The following CDK14 variants were observed in gnomAD, a reference collection of about 807,000 sequenced individuals.
CDK14 encodes the protein cyclin-dependent kinase 14.
A neutral mutation model predicts 60.7 loss-of-function variants in CDK14; 34 were observed. That is an observed-to-expected ratio of 0.56 (90% CI 0.43 to 0.75). The LOEUF (loss-of-function observed/expected upper bound fraction) is 0.75, where lower values mean the gene tolerates loss of function less well. CDK14 is among the 30% of genes least tolerant of loss of function. The pLI is 0.00. For missense variants in CDK14, 482 were observed against 564.1 expected, an observed-to-expected ratio of 0.85 and a Z score of 1.47; for synonymous variants, 197 against 203.7, an observed-to-expected ratio of 0.97 and a Z score of 0.28.
chr7:91,059,862 T>A (rs1011384807), intron 11 of CDK14, among the ~76,000 whole-genome samples: 9 of 152,270 alleles, frequency 5.9e-5, no homozygotes, highest in Non-Finnish European at 7.3e-5. Context: ...GGTGTGGTGC[T>A]GAAAAGAATG....
intron 14 of CDK14, among the ~76,000 whole-genome samples, chr7:91,202,549 T>C (rs763449093): frequency 1.6e-4 from 24 of 152,238 alleles, no homozygotes; most frequent in Non-Finnish European, 3.4e-4. Flanking sequence ...CCCTCTCTCC[T>C]TCCACCTAAA....
At chr7:90,628,258 GA>G (rs1317762222) in intron 2 of CDK14, among the ~76,000 whole-genome samples, 3 of 152,072 alleles carry the variant, frequency 2.0e-5, no homozygotes, top group Admixed American at 2.0e-4. Flanking sequence ...TGCCTGGCCA[GA>G]AAGGTGATTT....
At chr7:90,736,970 C>T (rs148052818) in intron 3 of CDK14, among the ~76,000 whole-genome samples, 154 of 152,186 alleles carry the variant, frequency 1.0e-3, no homozygotes, top group African/African-American at 3.5e-3. Flanking sequence ...TTAAAATTCA[C>T]GCAAAATATA....
chr7:90,911,135 G>C (rs544070582), intron 7 of CDK14, among the ~76,000 whole-genome samples: 98 of 152,200 alleles, frequency 6.4e-4, no homozygotes, highest in African/African-American at 2.3e-3. Context: ...ACCTGGCAGA[G>C]GTGTTGTGAG....
At chr7:90,816,870 C>G (rs537278083) in intron 5 of CDK14, among the ~76,000 whole-genome samples, 13 of 152,234 alleles carry the variant, frequency 8.5e-5, no homozygotes, top group African/African-American at 3.1e-4. Flanking sequence ...GTAATCTGTT[C>G]CCACCATTTT....
intron 5 of CDK14, among the ~76,000 whole-genome samples, chr7:90,848,989 A>G (rs938882060): frequency 2.6e-5 from 4 of 152,192 alleles, no homozygotes; most frequent in African/African-American, 9.6e-5. Flanking sequence ...TGTGGGACAC[A>G]TAAAACCCAC....
intron 11 of CDK14, among the ~76,000 whole-genome samples, chr7:91,051,982 T>C (rs1294981090): frequency 6.6e-6 from 1 of 152,238 alleles, no homozygotes; most frequent in African/African-American, 2.4e-5. Context: ...CTTCATAGAA[T>C]TGTGGTAACC....
At chr7:90,839,202 C>T (rs1790210836) in intron 5 of CDK14, among the ~76,000 whole-genome samples, 1 of 152,094 alleles carries the variant, frequency 6.6e-6, no homozygotes, top group South Asian at 2.1e-4. Flanking sequence ...GAAAGAAATG[C>T]AGAGATCTTG....
intron 2 of CDK14, among the ~76,000 whole-genome samples, chr7:90,689,873 A>G (rs960716631): frequency 6.6e-6 from 1 of 152,176 alleles, no homozygotes; most frequent in South Asian, 2.1e-4. Context: ...AAAGTTTGTA[A>G]TAAACTGCAA....
chr7:91,120,695 C>T (rs1353160669), intron 14 of CDK14, among the ~76,000 whole-genome samples: 1 of 152,134 alleles, frequency 6.6e-6, no homozygotes, highest in East Asian at 1.9e-4. Flanking sequence ...TACCACCACG[C>T]CTGGCTAGTT....
rs757413712 is a variant in CDK14 at position 90,596,745 on chromosome 7, C to T, written c.91+27C>T. On this transcript the variant is annotated intron_variant, in intron 1 of 14. Transcript: ENST00000380050. ...TGAGTAGCGCGCTGCCCCCGGCCCCCCCAGCGCCCGCTCCCCTCGGCCTGC... is the reference window on the plus strand; with the variant it reads ...TGAGTAGCGCGCTGCCCCCGGCCCCTCCAGCGCCCGCTCCCCTCGGCCTGC... 16 of 1,579,598 alleles carry T rather than the reference C, an allele frequency of 1.0e-5. No homozygotes were observed. In the East Asian group the frequency reaches 2.2e-4, roughly 22 times the overall value.
At chr7:90,955,923 G>A in intron 9 of CDK14, 106 bp downstream of exon 9, 1 of 1,297,452 alleles carries the variant, frequency 7.7e-7, no homozygotes, top group Admixed American at 2.0e-5. Flanking sequence ...TGGTGCAGGA[G>A]TGTTTGCCTG....
chr7:90,807,165 C>T (rs946988196), intron 5 of CDK14, among the ~76,000 whole-genome samples: 1 of 152,196 alleles, frequency 6.6e-6, no homozygotes, highest in Non-Finnish European at 1.5e-5. Flanking sequence ...GGACAGACTG[C>T]CTCCTCAAGT....
intron 14 of CDK14, among the ~76,000 whole-genome samples, chr7:91,139,213 G>A (rs61002184): frequency 0.014 from 2,057 of 152,228 alleles, 46 homozygotes; most frequent in African/African-American, 0.047. Context: ...ACTGAATGCA[G>A]TGTTTTTTTA....
At chr7:91,131,602 C>T (rs1800119507) in intron 14 of CDK14, among the ~76,000 whole-genome samples, 1 of 152,126 alleles carries the variant, frequency 6.6e-6, no homozygotes, top group South Asian at 2.1e-4. Flanking sequence ...GACAGAGTCA[C>T]CAACAAAGCA....
At chr7:90,795,941 T>C (rs1398022413) in intron 5 of CDK14, among the ~76,000 whole-genome samples, 1 of 152,156 alleles carries the variant, frequency 6.6e-6, no homozygotes, top group Non-Finnish European at 1.5e-5. Context: ...GCAAGTAGGA[T>C]CACATTGAAG....
intron 10 of CDK14, among the ~76,000 whole-genome samples, chr7:90,991,040 G>A (rs958781842): frequency 6.6e-6 from 1 of 152,150 alleles, no homozygotes; most frequent in Non-Finnish European, 1.5e-5. Context: ...CAAAACGATT[G>A]TTACACATCT....
At chr7:90,990,231 T>C (rs1795491101) in intron 10 of CDK14, among the ~76,000 whole-genome samples, 1 of 152,276 alleles carries the variant, frequency 6.6e-6, no homozygotes, top group East Asian at 1.9e-4. Context: ...TGAGCTATGA[T>C]TGTGCCACTG....
chr7:90,882,987 G>A (rs558759885), intron 6 of CDK14, among the ~76,000 whole-genome samples: 3 of 152,168 alleles, frequency 2.0e-5, no homozygotes, highest in South Asian at 4.1e-4. Context: ...GCATCAGAAA[G>A]CTAGAAAAAT....
Sources: allele counts gnomAD v4.1 joint callset (sites outside exome capture counted in the v4.1 genomes callset), GRCh38; gene constraint gnomAD v4.1.1; transcripts MANE v1.5; gene names NCBI Gene and HGNC (gene_info 2026-07-23, HGNC 2026-07-21).